Variants in UTY observed in about 807,000 individuals in gnomAD.
UTY encodes histone demethylase UTY.
Under a neutral mutation model 32.5 loss-of-function variants are expected in UTY, and 12 were observed. The ratio of observed to expected loss-of-function variants is 0.37; its 90% CI spans 0.24 to 0.60. The LOEUF is 0.60. UTY is among the 20% of genes least tolerant of loss of function. The pLI is 0.69. For missense variants in UTY, 303 were observed against 299.2 expected (o/e 1.01, Z -0.09); for synonymous variants, 131 against 103.4 (o/e 1.27, Z -1.62).
At chrY:13,312,392 CA>C (rs1307911824) in intron 21 of UTY, among the ~76,000 whole-genome samples, 1 of 14,786 alleles carries the variant, frequency 6.8e-5, no homozygotes, top group African/African-American at 2.6e-4. Flanking sequence ...GACTCCGTCT[CA>C]AAAAAAAAAA....
At chrY:13,326,090 A>G in intron 19 of UTY, 131 bp downstream of exon 19, 2 of 216,898 alleles carry the variant, frequency 9.2e-6, no homozygotes, top group East Asian at 2.3e-4. Flanking sequence ...CTTCTGAAAT[A>G]TTAAACCTTT....
intron 2 of UTY, among the ~76,000 whole-genome samples, chrY:13,471,503 A>G (rs2078474862): frequency 1.2e-4 from 4 of 33,609 alleles, no homozygotes; most frequent in Admixed American, 5.5e-4. Context: ...TATCCGGAAA[A>G]CAGGACTTCA....
chrY:13,272,170 T>G (rs568241627), intron 27 of UTY, among the ~76,000 whole-genome samples: 3 of 34,543 alleles, frequency 8.7e-5, no homozygotes, highest in African/African-American at 3.4e-4. Flanking sequence ...GAACTCAGTA[T>G]GAAAAATTCC....
At chrY:13,414,201 A>C in intron 5 of UTY, among the ~76,000 whole-genome samples, 1 of 34,171 alleles carries the variant, frequency 2.9e-5, no homozygotes, top group Non-Finnish European at 7.3e-5. Flanking sequence ...GTGACCAAGA[A>C]CTAACATATT....
At chrY:13,373,259 G>A in intron 8 of UTY, among the ~76,000 whole-genome samples, 1 of 33,748 alleles carries the variant, frequency 3.0e-5, no homozygotes, top group African/African-American at 1.2e-4. Context: ...AGTAAAATAA[G>A]CAAGACACAA....
intron 4 of UTY, among the ~76,000 whole-genome samples, chrY:13,418,620 C>A: frequency 3.0e-5 from 1 of 33,292 alleles, no homozygotes; most frequent in South Asian, 6.7e-4. Context: ...TGGATGAGCA[C>A]ACAATTATTA....
chrY:13,324,520 G>GA (rs2060078737), intron 20 of UTY, 81 bp downstream of exon 20: 18 of 253,919 alleles, frequency 7.1e-5, no homozygotes, highest in East Asian at 6.6e-4. Context: ...AATGTTGGGG[G>GA]AAAAAATCAG....
intron 27 of UTY, among the ~76,000 whole-genome samples, chrY:13,286,270 T>C (rs752507678): frequency 2.9e-5 from 1 of 33,983 alleles, no homozygotes; most frequent in South Asian, 6.6e-4. Flanking sequence ...CTTCAGTGCA[T>C]ACATCAGGCC....
At chrY:13,401,867 G>A (rs752314772) in intron 6 of UTY, among the ~76,000 whole-genome samples, 2 of 32,018 alleles carry the variant, frequency 6.2e-5, no homozygotes, top group South Asian at 1.4e-3. Flanking sequence ...CCAAGACTCC[G>A]TCTCAAAAAA....
At chrY:13,375,150 A>G in intron 8 of UTY, among the ~76,000 whole-genome samples, 1 of 33,911 alleles carries the variant, frequency 2.9e-5, no homozygotes, top group Non-Finnish European at 7.4e-5. Flanking sequence ...CTTTCCCACT[A>G]ACAGCACAAT....
chrY:13,301,825 T>G (rs757803597), intron 25 of UTY, among the ~76,000 whole-genome samples: 1 of 33,693 alleles, frequency 3.0e-5, no homozygotes, highest in East Asian at 7.6e-4. Context: ...AGAGTTCAGA[T>G]GAAAGTGTTA....
chrY:13,463,345 C>A (rs2077594501), intron 3 of UTY, among the ~76,000 whole-genome samples: 1 of 32,958 alleles, frequency 3.0e-5, no homozygotes, highest in South Asian at 6.7e-4. Flanking sequence ...TGTGTCTTTA[C>A]AACAGCATGA....
chrY:13,336,420 A>G, intron 17 of UTY, 85 bp from the exon 18 acceptor site: 1 of 229,967 alleles, frequency 4.3e-6, no homozygotes, highest in Non-Finnish European at 6.7e-6. Flanking sequence ...GTTAAACACA[A>G]AGCCACCATA....
chrY:13,331,110 A>C, intron 18 of UTY, among the ~76,000 whole-genome samples: 1 of 33,975 alleles, frequency 2.9e-5, no homozygotes, highest in Non-Finnish European at 7.3e-5. Flanking sequence ...AGCTCTGAAG[A>C]GAGCAGTTGA....
chrY:13,285,373 A>C, intron 27 of UTY, among the ~76,000 whole-genome samples: 2 of 34,168 alleles, frequency 5.9e-5, no homozygotes, highest in African/African-American at 2.3e-4. Context: ...CAACTCTCGC[A>C]TCTATTTAGA....
Position 13,355,004 on chromosome Y carries a change from T to C in UTY, c.2060A>G (p.Gln687Arg). Reference sequence around the variant, plus strand: ...GAAAGCAGCTAGTCCTTTTTTTACCTGAGCGGAGTTAGATAGCTGTTTTCT... The same window carrying C: ...GAAAGCAGCTAGTCCTTTTTTTACCCGAGCGGAGTTAGATAGCTGTTTTCT... ...PWRKQLSNSAQGLHKSQSSCL... is the reference protein window; with the variant it reads ...PWRKQLSNSARGLHKSQSSCL... The change falls in exon 17 of 30, where the codon CAG becomes CGG. Residue 687 changes from glutamine (Q) to arginine (R), a missense_variant and splice_region_variant. Coordinates refer to ENST00000545955, the MANE Select transcript of UTY (RefSeq NM_001258249.2). The C allele has an allele frequency of 2.5e-6, 1 of 398,736 alleles. No individual in the cohort carries two copies. The highest frequency in any genetic ancestry group is 3.5e-6 in the Non-Finnish European group (1 of 283,595).
chrY:13,297,876 A>G, intron 26 of UTY, 28 bp from the exon 27 acceptor site: 1 of 329,136 alleles, frequency 3.0e-6, no homozygotes, highest in Non-Finnish European at 4.5e-6. Flanking sequence ...ACAGTCATAA[A>G]GTAACCCAAA....
chrY:13,270,444 G>C (rs527864214), intron 27 of UTY, among the ~76,000 whole-genome samples: 77 of 32,735 alleles, frequency 2.4e-3, no homozygotes, highest in African/African-American at 8.3e-3. Flanking sequence ...TGCTTACTAG[G>C]AACATCTTTC....
At chrY:13,256,917 T>C in intron 28 of UTY, among the ~76,000 whole-genome samples, 1 of 34,186 alleles carries the variant, frequency 2.9e-5, no homozygotes, top group African/African-American at 1.1e-4. Context: ...GATCACCTAG[T>C]TGCTAATGCA....
Sources: gnomAD v4.1 joint callset for allele counts (sites outside exome capture counted in the v4.1 genomes callset) on GRCh38, gnomAD v4.1.1 for gene constraint, MANE v1.5 for transcripts, NCBI Gene and HGNC (gene_info 2026-07-23, HGNC 2026-07-21) for gene names.